Variants in TRIM55 observed in about 807,000 individuals in gnomAD.
TRIM55 encodes tripartite motif containing 55.
A neutral mutation model predicts 60.9 loss-of-function variants in TRIM55; 50 were observed. The observed-to-expected ratio is 0.82, with a 90% confidence interval of 0.65 to 1.04. TRIM55 has a LOEUF of 1.04. Among genes scored for constraint, TRIM55 ranks in the 50% least tolerant of loss-of-function variants. The pLI is 0.00. For missense variants in TRIM55, 681 were observed against 666.9 expected (o/e 1.02, Z -0.23); for synonymous variants, 237 against 238.1 (o/e 1.00, Z 0.04).
chr8:66,160,360 T>A (rs1262651116), intron 9 of TRIM55, among the ~76,000 whole-genome samples: 1 of 151,348 alleles, frequency 6.6e-6, no homozygotes, highest in Non-Finnish European at 1.5e-5. Context: ...TTCCATGGTG[T>A]GTGTGTGTGT....
upstream of TRIM55, among the ~76,000 whole-genome samples, chr8:66,122,390 A>G (rs1328063082): frequency 1.3e-5 from 2 of 152,124 alleles, no homozygotes; most frequent in Non-Finnish European, 2.9e-5. Flanking sequence ...GAGCTGTCCC[A>G]CATTTCCAGA....
Position 66,135,241 on chromosome 8 carries a change from G to A in TRIM55, c.507+86G>A, listed in dbSNP as rs564429338. 1.3e-3 allele frequency: 1,874 copies of A among 1,484,864 alleles called. 38 individuals carry two copies. In the South Asian group the frequency reaches 0.021, roughly 16 times the overall value. The allele number at this position is 1,484,864 out of a possible 1,614,324, so 92.0% of individuals were successfully genotyped here. ...CTGGGGCCAGTGTGAGTGGCTCCCT[G>A]CGGTGGAGGAGGAAGCCCAAGCCAC... On this transcript the variant is annotated intron_variant, in intron 3 of 9. Transcript: ENST00000315962.
At chr8:66,143,226 T>C (rs1809919208) in intron 4 of TRIM55, among the ~76,000 whole-genome samples, 1 of 152,208 alleles carries the variant, frequency 6.6e-6, no homozygotes, top group Admixed American at 6.5e-5. Context: ...GTTCCTTACA[T>C]GGTAAGAGCA....
At chr8:66,140,359 A>G (rs550561357) in intron 4 of TRIM55, among the ~76,000 whole-genome samples, 1 of 152,356 alleles carries the variant, frequency 6.6e-6, no homozygotes, top group South Asian at 2.1e-4. Context: ...CATTTTTATA[A>G]AGTAAGTCTG....
chr8:66,113,652 C>A, the TRIM55 span: 1 of 453,036 alleles, frequency 2.2e-6, no homozygotes, highest in Non-Finnish European at 4.4e-6. Flanking sequence ...GTTCCCAGCG[C>A]AGCTGTGGGT....
intron 4 of TRIM55, among the ~76,000 whole-genome samples, chr8:66,143,477 T>A (rs1456838379): frequency 6.6e-6 from 1 of 152,210 alleles, no homozygotes; most frequent in African/African-American, 2.4e-5. Flanking sequence ...AATTATATAA[T>A]TCAGTCTTTC....
intron 9 of TRIM55, among the ~76,000 whole-genome samples, chr8:66,172,725 T>G (rs1440446787): frequency 1.3e-5 from 2 of 152,252 alleles, no homozygotes; most frequent in Non-Finnish European, 2.9e-5. Flanking sequence ...ACCCAACTTG[T>G]GTCACCCTTC....
intron 2 of TRIM55, among the ~76,000 whole-genome samples, chr8:66,130,263 T>C (rs1422268385): frequency 6.6e-6 from 1 of 152,196 alleles, no homozygotes; most frequent in African/African-American, 2.4e-5. Flanking sequence ...ATGAACCAAA[T>C]TTCCAACAAT....
chr8:66,119,287 G>T, the TRIM55 span, among the ~76,000 whole-genome samples: 1 of 152,132 alleles, frequency 6.6e-6, no homozygotes, highest in Non-Finnish European at 1.5e-5. Context: ...TCAGTCTTCC[G>T]ACTCCTCTTG....
chr8:66,129,182 A>G (rs1207834074), intron 2 of TRIM55, among the ~76,000 whole-genome samples: 10 of 152,208 alleles, frequency 6.6e-5, no homozygotes, highest in Admixed American at 1.3e-4. Context: ...CTATCCATTC[A>G]TTTTTAAAAA....
chr8:66,133,757 G>A (rs76626778), intron 2 of TRIM55, among the ~76,000 whole-genome samples: 73 of 152,298 alleles, frequency 4.8e-4, no homozygotes, highest in African/African-American at 1.6e-3. Flanking sequence ...ACATCAGCAC[G>A]TTCTCTGCCT....
chr8:66,113,351 G>A, the TRIM55 span: 47 of 360,806 alleles, frequency 1.3e-4, no homozygotes, highest in African/African-American at 2.3e-4. Context: ...AGGGGACGCC[G>A]ACACACGTAC....
At chr8:66,171,967 T>C (rs1811662433) in intron 9 of TRIM55, among the ~76,000 whole-genome samples, 2 of 120,112 alleles carry the variant, frequency 1.7e-5, no homozygotes, top group African/African-American at 1.1e-4. Flanking sequence ...TCTTTTCTTA[T>C]TGGGGTGCTA....
chr8:66,152,244 A>C (rs535007510), intron 7 of TRIM55, 133 bp from the exon 8 acceptor site: 47 of 1,234,600 alleles, frequency 3.8e-5, no homozygotes, highest in Non-Finnish European at 4.8e-5. Context: ...GCACACTTGG[A>C]CCATTGTCAA....
chr8:66,156,290 C>G lies in TRIM55; in HGVS notation c.1524+1956C>G, dbSNP rs540709303. Among the ~76,000 whole-genome samples, 82 of 152,254 alleles carry G rather than the reference C, an allele frequency of 5.4e-4. 3 individuals carry two copies. The South Asian group carries it at 0.016, about 30-fold the overall frequency. ...AGAGGAGGTCCCTGAGAGAAAGATG[C>G]CCTGACTGAAGAAATATCTGGGGGA... On this transcript the variant is annotated intron_variant, in intron 9 of 9. Coordinates refer to ENST00000315962, the MANE Select transcript of TRIM55 (RefSeq NM_184085.2).
chr8:66,155,164 C>T (rs956983506), intron 9 of TRIM55, among the ~76,000 whole-genome samples: 2 of 152,212 alleles, frequency 1.3e-5, no homozygotes, highest in African/African-American at 2.4e-5. Context: ...CAGTTCCATG[C>T]TCCTGGGTCA....
intron 4 of TRIM55, 86 bp downstream of exon 4, chr8:66,137,276 C>A: frequency 1.1e-6 from 1 of 912,492 alleles, no homozygotes; most frequent in Non-Finnish European, 1.7e-6. Context: ...CTAGACATCC[C>A]TATTCTGACC....
At chr8:66,147,527 T>C (rs1284746930) in intron 4 of TRIM55, among the ~76,000 whole-genome samples, 3 of 152,076 alleles carry the variant, frequency 2.0e-5, no homozygotes, top group African/African-American at 7.2e-5. Flanking sequence ...CCAGGATTGG[T>C]GGCTCACGCC....
chr8:66,175,205 T>C lies in TRIM55; in HGVS notation c.*612T>C, dbSNP rs564693371. Reference sequence around the variant, plus strand: ...CCAGAAAGCTGAAGGCCTGGGCATCTCTTGTGACATTTTTCTAATATTAGT... The same window carrying C: ...CCAGAAAGCTGAAGGCCTGGGCATCCCTTGTGACATTTTTCTAATATTAGT... On this transcript the variant is annotated 3_prime_UTR_variant, in exon 10 of 10. Transcript: ENST00000315962. 2 of 152,774 alleles carry C rather than the reference T, an allele frequency of 1.3e-5. No homozygotes were observed. Among genetic ancestry groups the C allele is most frequent in the African/African-American group, 4.8e-5 (2 of 41,576 alleles). 9.5% of individuals were successfully genotyped at this position (152,774 alleles called of 1,614,324 possible).
Sources: gnomAD v4.1 joint callset for allele counts (sites outside exome capture counted in the v4.1 genomes callset) on GRCh38, gnomAD v4.1.1 for gene constraint, MANE v1.5 for transcripts, NCBI Gene and HGNC (gene_info 2026-07-23, HGNC 2026-07-21) for gene names.